MYO10: variants seen among roughly 807,000 people sequenced by gnomAD.
MYO10 encodes myosin X.
Under a neutral mutation model 257.3 loss-of-function variants are expected in MYO10, and 133 were observed. The ratio of observed to expected loss-of-function variants is 0.52; its 90% CI spans 0.45 to 0.60. The LOEUF is 0.60. Among genes scored for constraint, MYO10 ranks in the 20% least tolerant of loss-of-function variants. The pLI is 0.00. For missense variants in MYO10, 2,399 were observed against 2,635.7 expected (o/e 0.91, Z 1.97); for synonymous variants, 1,104 against 1,028.6 (o/e 1.07, Z -1.40).
intron 2 of MYO10, 78 bp downstream of exon 2, chr5:16,877,531 C>G: frequency 8.9e-7 from 1 of 1,117,592 alleles, no homozygotes; most frequent in Non-Finnish European, 1.3e-6. Context: ...TGTAGGGGGG[C>G]CAAGCACACA....
At chr5:16,821,435 C>T (rs1254958707) in intron 2 of MYO10, among the ~76,000 whole-genome samples, 2 of 138,234 alleles carry the variant, frequency 1.4e-5, no homozygotes, top group African/African-American at 2.8e-5. Flanking sequence ...TTCCTTTCCT[C>T]CTATTTTCTT....
At chr5:16,784,020 C>T (rs1393502982) in intron 4 of MYO10, among the ~76,000 whole-genome samples, 1 of 152,214 alleles carries the variant, frequency 6.6e-6, no homozygotes, top group Non-Finnish European at 1.5e-5. Flanking sequence ...CCGAGTTGGA[C>T]TCTTAATGCC....
chr5:16,754,424 A>G lies in MYO10; in HGVS notation c.1929+404T>C, dbSNP rs564748453. Reference sequence around the variant, plus strand: ...TTAAAGCCTCTTCATCGTGTTTAAAATAACAATAAAGCAAAAAAAAGAAGG... The same window carrying G: ...TTAAAGCCTCTTCATCGTGTTTAAAGTAACAATAAAGCAAAAAAAAGAAGG... On this transcript the variant is annotated intron_variant, in intron 19 of 40. Coordinates refer to ENST00000513610, the MANE Select transcript of MYO10 (RefSeq NM_012334.3). 1.1e-3 allele frequency among the ~76,000 whole-genome samples: 165 copies of G among 152,258 alleles called. 2 individuals carry two copies. Among genetic ancestry groups the G allele is most frequent in the African/African-American group, 3.6e-3 (149 of 41,568 alleles).
intron 4 of MYO10, among the ~76,000 whole-genome samples, chr5:16,786,604 G>A (rs74713050): frequency 0.018 from 2,662 of 152,056 alleles, 35 homozygotes; most frequent in Non-Finnish European, 0.025. Flanking sequence ...GGTTCTTTGG[G>A]GCAAATTTTC....
At chr5:16,727,009 C>A (rs959878712) in intron 19 of MYO10, among the ~76,000 whole-genome samples, 2 of 152,168 alleles carry the variant, frequency 1.3e-5, no homozygotes, top group African/African-American at 4.8e-5. Flanking sequence ...GCTAGACAAA[C>A]AGGGTGCTCA....
intron 21 of MYO10, 161 bp downstream of exon 21, chr5:16,710,747 C>A: frequency 1.6e-6 from 1 of 629,914 alleles, no homozygotes; most frequent in Non-Finnish European, 2.8e-6. Flanking sequence ...AAAATAGTAA[C>A]TGTTTGGGAG....
intron 2 of MYO10, among the ~76,000 whole-genome samples, chr5:16,822,622 T>C (rs769426371): frequency 1.9e-4 from 29 of 152,128 alleles, no homozygotes; most frequent in Admixed American, 5.9e-4. Flanking sequence ...AGTATCTTAA[T>C]ACATTATTGG....
chr5:16,917,175 G>A (rs1173222683), intron 1 of MYO10, among the ~76,000 whole-genome samples: 5 of 151,846 alleles, frequency 3.3e-5, no homozygotes, highest in South Asian at 2.1e-4. Flanking sequence ...ATATAATGCC[G>A]GTATTAAAAT....
At chr5:16,690,877 T>C (rs1201586639) in intron 27 of MYO10, among the ~76,000 whole-genome samples, 1 of 151,820 alleles carries the variant, frequency 6.6e-6, no homozygotes, top group Non-Finnish European at 1.5e-5. Context: ...AAAATCAGGG[T>C]AAAACAGCAG....
chr5:16,923,539 G>A (rs1356011549), intron 1 of MYO10, among the ~76,000 whole-genome samples: 1 of 150,374 alleles, frequency 6.7e-6, no homozygotes, highest in Non-Finnish European at 1.5e-5. Context: ...CACCCGTCTC[G>A]GCCTCCCAAA....
At chr5:16,917,123 T>C (rs1270135239) in intron 1 of MYO10, among the ~76,000 whole-genome samples, 1 of 152,136 alleles carries the variant, frequency 6.6e-6, no homozygotes, top group Admixed American at 6.5e-5. Flanking sequence ...AACAAACATA[T>C]AACTATAGAT....
At chr5:16,703,737 CCA>C in intron 22 of MYO10, among the ~76,000 whole-genome samples, 1 of 151,986 alleles carries the variant, frequency 6.6e-6, no homozygotes. Flanking sequence ...CAAAAATTAG[CCA>C]GGTGTGGTGG....
chr5:16,928,577 G>C (rs114955917), intron 1 of MYO10, among the ~76,000 whole-genome samples: 1 of 151,968 alleles, frequency 6.6e-6, no homozygotes, highest in Non-Finnish European at 1.5e-5. Flanking sequence ...CGGGCATGAC[G>C]GCTCACACCT....
chr5:16,799,818 G>A (rs1560991291), intron 3 of MYO10, among the ~76,000 whole-genome samples: 1 of 152,032 alleles, frequency 6.6e-6, no homozygotes, highest in Non-Finnish European at 1.5e-5. Context: ...AACAGCGGAC[G>A]CTCCCTGGGG....
chr5:16,681,250 C>T lies in MYO10; in HGVS notation c.4384+59G>A, dbSNP rs1018095405. The stretch of plus-strand genomic sequence containing the variant: ...TAGGAAGGAATCTTATTCCTTTGCC[C>T]GGAGCAAGCCCAGACTTTAAGATTT... On this transcript the variant is annotated intron_variant, in intron 32 of 40. Transcript: ENST00000513610. 63 of 1,510,062 alleles carry T rather than the reference C, an allele frequency of 4.2e-5. No homozygotes were observed. In the Admixed American group the frequency reaches 9.7e-4, roughly 23 times the overall value. The allele number at this position is 1,510,062 out of a possible 1,614,324, so 93.5% of individuals were successfully genotyped here. A position where few individuals can be genotyped will look rare whatever the true frequency, so the allele number is the denominator to read the frequency against.
In MYO10 at chr5:16,711,034, A is replaced by G. The variant is rs1388986037; in HGVS notation, c.2055-12T>C. 4 of 1,613,862 alleles carry G rather than the reference A, an allele frequency of 2.5e-6. No individual in the cohort carries two copies. Among genetic ancestry groups the G allele is most frequent in the Non-Finnish European group, 2.5e-6 (3 of 1,179,860 alleles). Reference sequence around the variant, plus strand: ...TCAGCACTTTATACCTGCAACGTGAAGACACACAGGGTCACCTTCTGCGAT... The same window carrying G: ...TCAGCACTTTATACCTGCAACGTGAGGACACACAGGGTCACCTTCTGCGAT... On this transcript the variant is annotated splice_polypyrimidine_tract_variant and intron_variant, in intron 20 of 40. Transcript: ENST00000513610.
At chr5:16,813,247 C>T (rs1006531124) in intron 3 of MYO10, among the ~76,000 whole-genome samples, 3 of 152,054 alleles carry the variant, frequency 2.0e-5, no homozygotes, top group South Asian at 2.1e-4. Context: ...TGGCTGGATG[C>T]GGAGGCTCAT....
chr5:16,934,293 G>A (rs944929382), intron 1 of MYO10, among the ~76,000 whole-genome samples: 2 of 152,266 alleles, frequency 1.3e-5, no homozygotes, highest in African/African-American at 4.8e-5. Context: ...ACAGGCTACA[G>A]GAGGAGTGAG....
chr5:16,752,687 T>G (rs55955839), intron 19 of MYO10, among the ~76,000 whole-genome samples: 3,731 of 152,280 alleles, frequency 0.025, 175 homozygotes, highest in African/African-American at 0.085. Context: ...CGCCATCGGA[T>G]ACTGAGCAAC....
Sources: gnomAD v4.1 joint callset for allele counts (sites outside exome capture counted in the v4.1 genomes callset) on GRCh38, gnomAD v4.1.1 for gene constraint, MANE v1.5 for transcripts, NCBI Gene and HGNC (gene_info 2026-07-23, HGNC 2026-07-21) for gene names.